The following FSCN1 variants were observed in gnomAD, a reference collection of about 807,000 sequenced individuals.
FSCN1 encodes the protein fascin actin-bundling protein 1, also known as fascin.
FSCN1 carries 10 observed loss-of-function variants against 39.7 expected under a neutral mutation model. That is an observed-to-expected ratio of 0.25 (90% CI 0.16 to 0.43). The LOEUF is 0.43. Ranked by LOEUF, FSCN1 falls within the 20% of genes least tolerant of loss-of-function variation. The pLI, the probability that FSCN1 is intolerant of heterozygous loss-of-function variation, is 1.00. For synonymous variants in FSCN1, 322 were observed against 320.0 expected, an observed-to-expected ratio of 1.01 and a Z score of -0.07; for missense variants, 525 against 723.8, an observed-to-expected ratio of 0.73 and a Z score of 3.15.
rs529568927 is a variant in FSCN1 at position 5,595,731 on chromosome 7, C to T, written c.832+1963C>T. ...GAGGAAGCTTGTGAGGTCTGGGCCA[C>T]GGGACCTTGGGTGAGAGCTTAGTGC... On this transcript the variant is annotated intron_variant, in intron 1 of 4. Transcript: ENST00000382361. 7.2e-5 allele frequency among the ~76,000 whole-genome samples: 11 copies of T among 152,232 alleles called. No individual in the cohort carries two copies. The East Asian group carries it at 1.2e-3, about 16-fold the overall frequency.
chr7:5,598,034 AG>A (rs1785762255), intron 1 of FSCN1, among the ~76,000 whole-genome samples: 1 of 152,190 alleles, frequency 6.6e-6, no homozygotes. Flanking sequence ...TGGAGCCAGG[AG>A]GGGCCCTGCT....
chr7:5,594,436 C>G (rs1785693586), intron 1 of FSCN1: 1 of 152,586 alleles, frequency 6.6e-6, no homozygotes, highest in Non-Finnish European at 1.5e-5. Flanking sequence ...AGGCCGCGGC[C>G]TTTGTGAGCA....
At chr7:5,600,598 TCTC>T (rs1785807973) in intron 1 of FSCN1, among the ~76,000 whole-genome samples, 1 of 150,086 alleles carries the variant, frequency 6.7e-6, no homozygotes, top group Non-Finnish European at 1.5e-5. Context: ...TTCAAGCAAT[TCTC>T]CTGCGTCAGC....
chr7:5,603,758 G>GGGC lies in FSCN1; in HGVS notation c.1112-103_1112-102insCGG. On this transcript the variant is annotated intron_variant, in intron 3 of 4. Transcript: ENST00000382361. The surrounding 1 kb of genome is among the most constrained non-coding windows in gnomAD (Gnocchi z 8.5). ...ACTGGCCCCGCACTGTCCTACCCTGGGGACTGCTGTGTGACCCCAGCTCCT... is the reference window on the plus strand; with the variant it reads ...ACTGGCCCCGCACTGTCCTACCCTGGGGCGGACTGCTGTGTGACCCCAGCTCCT... 1.4e-6 allele frequency: 2 copies of GGGC among 1,393,884 alleles called. No individual in the cohort carries two copies. The highest frequency in any genetic ancestry group is 1.3e-5 in the South Asian group (1 of 77,770). The allele number at this position is 1,393,884 out of a possible 1,614,324, so 86.3% of individuals were successfully genotyped here.
Position 5,605,226 on chromosome 7 carries a change from T to C in FSCN1, c.1280-46T>C. The C allele has an allele frequency of 6.9e-7, 1 of 1,453,292 alleles. No homozygotes were observed. The highest frequency in any genetic ancestry group is 9.6e-7 in the Non-Finnish European group (1 of 1,038,184). 90.0% of individuals were successfully genotyped at this position (1,453,292 alleles called of 1,614,324 possible). The stretch of plus-strand genomic sequence containing the variant: ...CACCCTCCGCTGCCCAGGGTAGGGG[T>C]GGGGAGCCAGGCTTTGGGCCCCACT... On this transcript the variant is annotated intron_variant, in intron 4 of 4. Coordinates refer to ENST00000382361, the MANE Select transcript of FSCN1 (RefSeq NM_003088.4). This position sits in a 1 kb window ranked among gnomAD's most constrained non-coding sequence, Gnocchi z 6.9.
chr7:5,597,878 C>T (rs1212250237), intron 1 of FSCN1, among the ~76,000 whole-genome samples: 1 of 152,096 alleles, frequency 6.6e-6, no homozygotes, highest in Non-Finnish European at 1.5e-5. Context: ...ACAGGAGACT[C>T]TTAATCTCCT....
chr7:5,593,255 G>A lies in FSCN1; in HGVS notation c.319G>A (p.Ala107Thr). ...CGGTCGCTGGTCGCTGCAGTCCGAG[G>A]CGCACCGGCGCTACTTCGGCGGCAC... ...DDGRWSLQSEAHRRYFGGTED... is the reference protein window; with the variant it reads ...DDGRWSLQSETHRRYFGGTED... Residue 107 changes from alanine (A) to threonine (T), a missense_variant, in exon 1 of 5, where the codon GCG becomes ACG. Transcript: ENST00000382361. 2 of 1,609,162 alleles carry A rather than the reference G, an allele frequency of 1.2e-6. No homozygotes were observed. Among genetic ancestry groups the A allele is most frequent in the South Asian group, 1.1e-5 (1 of 90,694 alleles).
chr7:5,593,402 A>G lies in FSCN1; in HGVS notation c.466A>G (p.Ser156Gly), dbSNP rs755866918. 6.2e-7 allele frequency: 1 copy of G among 1,612,160 alleles called. No homozygotes were observed. Among genetic ancestry groups the G allele is most frequent in the Non-Finnish European group, 8.5e-7 (1 of 1,179,766 alleles). ...CACCCGTAAGCGCTACGCGCACCTG[A>G]GCGCGCGGCCGGCCGACGAGATCGC... is the stretch of plus-strand genomic sequence containing the variant. ...SVTRKRYAHL[S>G]ARPADEIAVD... The change falls in exon 1 of 5, where the codon AGC becomes GGC. Residue 156 changes from serine to glycine, a missense_variant. Ser to Gly is a moderately conservative substitution (Grantham distance 56, BLOSUM62 0). Transcript: ENST00000382361.
At chr7:5,594,045 ACCC>A (rs758470979) in intron 1 of FSCN1, 8 of 274,208 alleles carry the variant, frequency 2.9e-5, no homozygotes, top group Non-Finnish European at 5.1e-5. Context: ...CACCCTCCTA[ACCC>A]CCCCCCCCGC....
chr7:5,601,601 G>T (rs1785832816), intron 1 of FSCN1, among the ~76,000 whole-genome samples: 1 of 152,174 alleles, frequency 6.6e-6, no homozygotes. Context: ...ACTTTGGGAG[G>T]CTGAGTTAGG....
intron 1 of FSCN1, among the ~76,000 whole-genome samples, chr7:5,594,336 G>T (rs1280771415): frequency 1.3e-5 from 2 of 151,830 alleles, no homozygotes; most frequent in Non-Finnish European, 2.9e-5. Context: ...TCCTCCCGCT[G>T]CCGGGCGGGG....
Position 5,603,151 on chromosome 7 carries a change from C to T in FSCN1, c.833-106C>T. On this transcript the variant is annotated intron_variant, in intron 1 of 4. Coordinates refer to ENST00000382361, the MANE Select transcript of FSCN1 (RefSeq NM_003088.4). The surrounding 1 kb of genome is among the most constrained non-coding windows in gnomAD (Gnocchi z 8.5). Reference sequence around the variant, plus strand: ...GTGGGGACTCGGCCGCCCACCCCACCCCGTGGTGTTACCTTGCGTGTGTAG... The same window carrying T: ...GTGGGGACTCGGCCGCCCACCCCACTCCGTGGTGTTACCTTGCGTGTGTAG... 3 of 1,323,332 alleles carry T rather than the reference C, an allele frequency of 2.3e-6. No individual in the cohort carries two copies. Among genetic ancestry groups the T allele is most frequent in the Non-Finnish European group, 3.2e-6 (3 of 949,286 alleles). 82.0% of individuals were successfully genotyped at this position (1,323,332 alleles called of 1,614,324 possible).
chr7:5,603,445 C>T lies in FSCN1; in HGVS notation c.989+32C>T, dbSNP rs1457748987. ...GCCTCGCTCCCACCTGTCACCGCCCCCACCACCTTGCCTGGGCTACCCCGC... is the reference window on the plus strand; with the variant it reads ...GCCTCGCTCCCACCTGTCACCGCCCTCACCACCTTGCCTGGGCTACCCCGC... On this transcript the variant is annotated intron_variant, in intron 2 of 4. Coordinates refer to ENST00000382361, the MANE Select transcript of FSCN1 (RefSeq NM_003088.4). The surrounding 1 kb of genome is among the most constrained non-coding windows in gnomAD (Gnocchi z 8.5). 2 of 1,613,744 alleles carry T rather than the reference C, an allele frequency of 1.2e-6. No homozygotes were observed. The highest frequency in any genetic ancestry group is 8.5e-7 in the Non-Finnish European group (1 of 1,179,972).
At chr7:5,595,854 A>G (rs766140432) in intron 1 of FSCN1, among the ~76,000 whole-genome samples, 1 of 152,200 alleles carries the variant, frequency 6.6e-6, no homozygotes, top group Non-Finnish European at 1.5e-5. Context: ...AGGAAGTTGC[A>G]GAGAGCCTGA....
chr7:5,594,017 G>T, intron 1 of FSCN1: 1 of 524,894 alleles, frequency 1.9e-6, no homozygotes, highest in Middle Eastern at 5.0e-4. Context: ...AGGCCCCGCG[G>T]AGTCGCAACC....
intron 1 of FSCN1, among the ~76,000 whole-genome samples, chr7:5,594,254 G>A (rs995875702): frequency 6.6e-6 from 1 of 152,168 alleles, no homozygotes; most frequent in African/African-American, 2.4e-5. Context: ...GGCGAGATGG[G>A]GGAGGTTAGC....
At chr7:5,598,394 G>T (rs544998043) in intron 1 of FSCN1, among the ~76,000 whole-genome samples, 1 of 152,230 alleles carries the variant, frequency 6.6e-6, no homozygotes, top group Non-Finnish European at 1.5e-5. Context: ...CTGGCTTGGG[G>T]GATGAGGTTA....
Position 5,605,736 on chromosome 7 carries a change from C to G in FSCN1, c.*262C>G. 1 of 468,254 alleles carries G rather than the reference C, an allele frequency of 2.1e-6. No individual in the cohort carries two copies. The highest frequency in any genetic ancestry group is 3.8e-6 in the Non-Finnish European group (1 of 262,090). 29.0% of individuals were successfully genotyped at this position (468,254 alleles called of 1,614,324 possible). A position where few individuals can be genotyped will look rare whatever the true frequency, so the allele number is the denominator to read the frequency against. ...ATTTCAGATGCCCCTGCCCTCTTGT[C>G]TGCCACGGGGCGAGTCTGGCACCTC... On this transcript the variant is annotated 3_prime_UTR_variant, in exon 5 of 5. Transcript: ENST00000382361. The surrounding 1 kb of genome is among the most constrained non-coding windows in gnomAD (Gnocchi z 6.9).
Position 5,601,943 on chromosome 7 carries a change from G to A in FSCN1, c.833-1314G>A, listed in dbSNP as rs1785838460. On this transcript the variant is annotated intron_variant, in intron 1 of 4. Transcript: ENST00000382361. ...TCCTTTTTTTTGTTTTAGAGACAGG[G>A]CTTAAAAAAAAATTTTTTTTTTTTT... Among the ~76,000 whole-genome samples, 3 of 149,006 alleles carry A rather than the reference G, an allele frequency of 2.0e-5. No individual in the cohort carries two copies. The Admixed American group carries it at 2.0e-4, about 10-fold the overall frequency.
Sources: allele counts gnomAD v4.1 joint callset (sites outside exome capture counted in the v4.1 genomes callset), GRCh38; gene constraint gnomAD v4.1.1; non-coding constraint Gnocchi (gnomAD v3.1); transcripts MANE v1.5; gene names NCBI Gene and HGNC (gene_info 2026-07-23, HGNC 2026-07-21).